Variants in NEK7 observed in about 807,000 individuals in gnomAD.
The protein encoded by NEK7 is NIMA related kinase 7.
A neutral mutation model predicts 44.6 loss-of-function variants in NEK7; 18 were observed. The ratio of observed to expected loss-of-function variants is 0.40; its 90% confidence interval spans 0.28 to 0.60. NEK7 has a LOEUF of 0.60. Ranked by LOEUF, NEK7 falls within the 20% of genes least tolerant of loss-of-function variation. The pLI, the probability that NEK7 is intolerant of heterozygous loss-of-function variation, is 0.38. For synonymous variants in NEK7, 130 were observed against 121.1 expected (o/e 1.07, Z -0.48); for missense variants, 256 against 366.5 (o/e 0.70, Z 2.46).
At chr1:198,251,360 G>A (rs530679728) in intron 2 of NEK7, among the ~76,000 whole-genome samples, 4 of 145,524 alleles carry the variant, frequency 2.7e-5, no homozygotes, top group Admixed American at 6.9e-5. Context: ...GTCTCTGCCC[G>A]GCTTTGGTAT....
Position 198,252,528 on chromosome 1 carries a change from C to CTATATATATATATA in NEK7, c.58-485_58-472dup, listed in dbSNP as rs1162099133. On this transcript the variant is annotated intron_variant, in intron 2 of 9. Transcript: ENST00000367385. ...TTTTTAGGCTTTCCTATCTCACATA[C>CTATATATATATATA]TATATATATATATATATATATATAT... 3.2e-3 allele frequency among the ~76,000 whole-genome samples: 104 copies of CTATATATATATATA among 32,586 alleles called. 1 individual carries two copies. Among genetic ancestry groups the CTATATATATATATA allele is most frequent in the Non-Finnish European group, 4.0e-3 (78 of 19,494 alleles). The allele number at this position is 32,586 out of a possible 152,430, so 21.4% of individuals were successfully genotyped here.
chr1:198,317,011 C>T lies in NEK7; in HGVS notation c.799-2401C>T, dbSNP rs78740661. ...GCTGGAGTGGATAAGTGGGAGCATT[C>T]CCAAAGCATATTTTAATTTCGTAGG... On this transcript the variant is annotated intron_variant, in intron 9 of 9. Coordinates refer to ENST00000367385, the MANE Select transcript of NEK7 (RefSeq NM_133494.3). Among the ~76,000 whole-genome samples, 1,139 of 152,242 alleles carry T rather than the reference C, an allele frequency of 7.5e-3. 14 individuals are homozygous for T. Among genetic ancestry groups the T allele is most frequent in the African/African-American group, 0.025 (1,058 of 41,556 alleles).
intron 9 of NEK7, among the ~76,000 whole-genome samples, chr1:198,310,906 G>A (rs1655162437): frequency 6.7e-6 from 1 of 149,964 alleles, no homozygotes; most frequent in African/African-American, 2.5e-5. Flanking sequence ...GCTTAGGATT[G>A]ACTTGGCGAT....
At chr1:198,250,442 C>T (rs1377374017) in intron 2 of NEK7, among the ~76,000 whole-genome samples, 1,620 of 151,168 alleles carry the variant, frequency 0.011, 20 homozygotes, top group African/African-American at 0.025. Context: ...TTGATGGGAA[C>T]GGCATTGAAT....
At chr1:198,277,490 ATTTG>A (rs1371473361) in intron 5 of NEK7, among the ~76,000 whole-genome samples, 1 of 151,796 alleles carries the variant, frequency 6.6e-6, no homozygotes, top group East Asian at 1.9e-4. Context: ...AATTCCTTTT[ATTTG>A]TTTAATTTTT....
chr1:198,243,789 G>A (rs987593892), intron 2 of NEK7, among the ~76,000 whole-genome samples: 2 of 151,942 alleles, frequency 1.3e-5, no homozygotes, highest in Non-Finnish European at 2.9e-5. Flanking sequence ...GAAACTTTAG[G>A]AATAGGTTAC....
intron 1 of NEK7, among the ~76,000 whole-genome samples, chr1:198,178,853 G>A (rs1407773553): frequency 1.3e-5 from 2 of 151,940 alleles, no homozygotes; most frequent in Non-Finnish European, 2.9e-5. Context: ...AGTCATGACC[G>A]ATAAAGGTTT....
At chr1:198,263,790 G>C (rs750417456) in intron 4 of NEK7, among the ~76,000 whole-genome samples, 3 of 151,808 alleles carry the variant, frequency 2.0e-5, no homozygotes, top group Non-Finnish European at 4.4e-5. Flanking sequence ...CTCATTTTGA[G>C]GATGTAATTT....
At chr1:198,165,720 G>C (rs1338509215) in intron 1 of NEK7, among the ~76,000 whole-genome samples, 4 of 152,134 alleles carry the variant, frequency 2.6e-5, no homozygotes, top group African/African-American at 9.7e-5. Context: ...ATGAGCATTG[G>C]GTTCACCAGC....
At position 198,319,838 on chromosome 1, in the gene NEK7, A is replaced by G. The variant is rs1655485607; in HGVS notation, c.*316A>G. 1 of 198,860 alleles carries G rather than the reference A, an allele frequency of 5.0e-6. No individual in the cohort carries two copies. The highest frequency in any genetic ancestry group is 2.3e-5 in the African/African-American group (1 of 43,026). The allele number at this position is 198,860 out of a possible 1,614,324, so 12.3% of individuals were successfully genotyped here. On this transcript the variant is annotated 3_prime_UTR_variant, in exon 10 of 10. Coordinates refer to ENST00000367385, the MANE Select transcript of NEK7 (RefSeq NM_133494.3). Reference sequence around the variant, plus strand: ...GTGTTTAGATAGACTGTCAGTGCCAAATATTGAAGGTGCAGCTTGGCACAC... The same window carrying G: ...GTGTTTAGATAGACTGTCAGTGCCAGATATTGAAGGTGCAGCTTGGCACAC...
intron 9 of NEK7, among the ~76,000 whole-genome samples, chr1:198,309,803 A>G (rs12080799): frequency 0.18 from 27,224 of 152,104 alleles, 3,482 homozygotes; most frequent in African/African-American, 0.33. Context: ...ATAGTATTCC[A>G]TGGTGTATAT....
chr1:198,241,313 T>C (rs909240900), intron 2 of NEK7, among the ~76,000 whole-genome samples: 5 of 152,222 alleles, frequency 3.3e-5, no homozygotes, highest in African/African-American at 1.2e-4. Flanking sequence ...ATTTCAAAAT[T>C]TGATGTTTTT....
intron 1 of NEK7, chr1:198,198,123 C>T (rs1665299682): frequency 9.5e-7 from 1 of 1,057,696 alleles, no homozygotes; most frequent in South Asian, 1.4e-5. Flanking sequence ...TTGGAACCTC[C>T]AGGGTACCCT....
chr1:198,216,870 G>A (rs1187311256), intron 1 of NEK7, among the ~76,000 whole-genome samples: 2 of 151,498 alleles, frequency 1.3e-5, no homozygotes, highest in Non-Finnish European at 3.0e-5. Context: ...CCTCGAAAAC[G>A]ACAACCCTTC....
Position 198,293,030 on chromosome 1 carries a change from A to G in NEK7, c.675A>G (p.Leu225=), listed in dbSNP as rs779105256. 4 of 1,524,842 alleles carry G rather than the reference A, an allele frequency of 2.6e-6. No individual in the cohort carries two copies. Among genetic ancestry groups the G allele is most frequent in the South Asian group, 2.2e-5 (2 of 89,128 alleles). 94.5% of individuals were successfully genotyped at this position (1,524,842 alleles called of 1,614,324 possible). ...CTGACATCTGGTCTCTTGGCTGTCT[A>G]CTATATGAGGTAGGTAATGTTGATA... is the stretch of plus-strand genomic sequence containing the variant. The part of the protein sequence containing the change: ...FKSDIWSLGC[L]LYEMAALQSP... Residue 225 remains leucine, a synonymous_variant, in exon 8 of 10, where the codon CTA becomes CTG. Transcript: ENST00000367385.
At chr1:198,236,098 G>A (rs1221499447) in intron 2 of NEK7, among the ~76,000 whole-genome samples, 1 of 152,092 alleles carries the variant, frequency 6.6e-6, no homozygotes, top group African/African-American at 2.4e-5. Context: ...AGTAATCAGG[G>A]TTCATTGTAG....
intron 9 of NEK7, among the ~76,000 whole-genome samples, chr1:198,308,098 A>C (rs1209938969): frequency 6.6e-6 from 1 of 152,156 alleles, no homozygotes; most frequent in Non-Finnish European, 1.5e-5. Flanking sequence ...TTAAAATTAT[A>C]TGGAAGGTTT....
chr1:198,304,496 C>G (rs1412911329), intron 9 of NEK7, among the ~76,000 whole-genome samples: 1 of 152,108 alleles, frequency 6.6e-6, no homozygotes, highest in African/African-American at 2.4e-5. Context: ...GCTGACATAA[C>G]ATAATTGGTC....
At position 198,320,609 on chromosome 1, in the gene NEK7, A is replaced by C. The variant is rs1425555474; in HGVS notation, c.*1087A>C. 1 of 152,114 alleles carries C rather than the reference A, an allele frequency of 6.6e-6. No individual in the cohort carries two copies. Among genetic ancestry groups the C allele is most frequent in the Non-Finnish European group, 1.5e-5 (1 of 68,004 alleles). 9.4% of individuals were successfully genotyped at this position (152,114 alleles called of 1,614,324 possible). ...ATACCAATACTTTTCCTGGATTGAAAACTTTTTTTAAACTTTTTAAAATTT... is the reference window on the plus strand; with the variant it reads ...ATACCAATACTTTTCCTGGATTGAACACTTTTTTTAAACTTTTTAAAATTT... On this transcript the variant is annotated 3_prime_UTR_variant, in exon 10 of 10. Coordinates refer to ENST00000367385, the MANE Select transcript of NEK7 (RefSeq NM_133494.3).
Sources: allele counts gnomAD v4.1 joint callset (sites outside exome capture counted in the v4.1 genomes callset), GRCh38; gene constraint gnomAD v4.1.1; transcripts MANE v1.5; gene names NCBI Gene and HGNC (gene_info 2026-07-23, HGNC 2026-07-21).